DHRS3: variants seen among roughly 807,000 people sequenced by gnomAD.
DHRS3 encodes dehydrogenase/reductase 3.
DHRS3 carries 14 observed loss-of-function variants against 27.2 expected under a neutral mutation model. The observed-to-expected ratio is 0.52, with a 90% CI of 0.34 to 0.81. DHRS3 has a LOEUF of 0.81. Among genes scored for constraint, DHRS3 ranks in the 30% least tolerant of loss-of-function variants. DHRS3 has a pLI of 0.01. For synonymous variants in DHRS3, 165 were observed against 175.9 expected (o/e 0.94, Z 0.49); for missense variants, 322 against 406.2 (o/e 0.79, Z 1.78).
chr1:12,590,804 C>T (rs1000199647), intron 1 of DHRS3, among the ~76,000 whole-genome samples: 2 of 152,306 alleles, frequency 1.3e-5, no homozygotes, highest in Admixed American at 6.5e-5. Flanking sequence ...ACCCAACAAG[C>T]CTACCAGCCC....
intron 1 of DHRS3, among the ~76,000 whole-genome samples, chr1:12,614,392 C>CA (rs1273918797): frequency 6.6e-6 from 1 of 152,058 alleles, no homozygotes; most frequent in African/African-American, 2.4e-5. Flanking sequence ...AATTAAAAAG[C>CA]AAGACCTTTA....
intron 1 of DHRS3, among the ~76,000 whole-genome samples, chr1:12,613,989 T>G (rs1343159250): frequency 6.6e-6 from 1 of 152,148 alleles, no homozygotes; most frequent in African/African-American, 2.4e-5. Context: ...CAGGCTGGTC[T>G]CGAACTCCTG....
At chr1:12,584,882 TG>T (rs1162947946) in intron 1 of DHRS3, among the ~76,000 whole-genome samples, 21 of 151,184 alleles carry the variant, frequency 1.4e-4, no homozygotes, top group Admixed American at 2.0e-4. Context: ...TCTGTAAGTG[TG>T]TGTGTGTGTG....
intron 4 of DHRS3, among the ~76,000 whole-genome samples, chr1:12,575,390 T>C (rs1196976269): frequency 2.0e-5 from 3 of 151,858 alleles, no homozygotes; most frequent in Non-Finnish European, 2.9e-5. Flanking sequence ...TCCACTGACA[T>C]GGCCAGTCTT....
chr1:12,578,161 C>G lies in DHRS3; in HGVS notation c.698+557G>C, dbSNP rs991838114. Among the ~76,000 whole-genome samples, 3 of 152,196 alleles carry G rather than the reference C, an allele frequency of 2.0e-5. No individual in the cohort carries two copies. Among genetic ancestry groups the G allele is most frequent in the Admixed American group, 6.5e-5 (1 of 15,280 alleles). The stretch of plus-strand genomic sequence containing the variant: ...GTGGAGGTGCATCTCCCTCATTTGA[C>G]CTTTAGACACATCCCGCTGCATGCC... On this transcript the variant is annotated intron_variant, in intron 4 of 5. Transcript: ENST00000616661. The surrounding 1 kb of genome is among the most constrained non-coding windows in gnomAD (Gnocchi z 4.5).
chr1:12,591,942 A>G lies in DHRS3; in HGVS notation c.196-11276T>C, dbSNP rs1646750225. ...TGATGACCAAGTGGTTATGAAAGGC[A>G]TGGCAGAGATGTTCCTTGCCCCTCT... On this transcript the variant is annotated intron_variant, in intron 1 of 5. Transcript: ENST00000616661. This position sits in a 1 kb window ranked among gnomAD's most constrained non-coding sequence, Gnocchi z 4.1. 6.6e-6 allele frequency among the ~76,000 whole-genome samples: 1 copy of G among 152,250 alleles called. No homozygotes were observed. The highest frequency in any genetic ancestry group is 2.1e-4 in the South Asian group (1 of 4,834).
rs931488191 is a variant in DHRS3 at position 12,578,954 on chromosome 1, G to T, written c.462C>A (p.Thr154=). The T allele has an allele frequency of 6.2e-7, 1 of 1,611,358 alleles. No homozygotes were observed. The change falls in exon 4 of 6, where the codon ACC becomes ACA. Residue 154 remains threonine (T), a splice_region_variant and synonymous_variant. Transcript: ENST00000616661. This position sits in a 1 kb window ranked among gnomAD's most constrained non-coding sequence, Gnocchi z 4.5. ...QHINTLGQFW[T]TKAFLPRMLE... ...GCATACGCGGCAGGAAGGCCTTGGT[G>T]GTCTGAGGGCAGATGGGGTGTCAGG...
At chr1:12,601,958 A>G (rs1646838603) in intron 1 of DHRS3, among the ~76,000 whole-genome samples, 1 of 152,200 alleles carries the variant, frequency 6.6e-6, no homozygotes, top group African/African-American at 2.4e-5. Context: ...TCGGTCATGC[A>G]TTCATTTAGG....
In DHRS3 at chr1:12,593,701, A is replaced by T. The variant is rs899159538; in HGVS notation, c.196-13035T>A. 1.3e-5 allele frequency among the ~76,000 whole-genome samples: 2 copies of T among 152,174 alleles called. No individual in the cohort carries two copies. Among genetic ancestry groups the T allele is most frequent in the Non-Finnish European group, 2.9e-5 (2 of 68,020 alleles). On this transcript the variant is annotated intron_variant, in intron 1 of 5. Coordinates refer to ENST00000616661, the MANE Select transcript of DHRS3 (RefSeq NM_004753.7). The surrounding 1 kb of genome is among the most constrained non-coding windows in gnomAD (Gnocchi z 4.6). ...TCCTGAGGACACTCCTTCAAATGCT[A>T]AAACCACGCCCTGCCAAGAGCCAGT... is the stretch of plus-strand genomic sequence containing the variant.
intron 1 of DHRS3, among the ~76,000 whole-genome samples, chr1:12,599,338 T>A (rs4388713): frequency 0.033 from 4,958 of 152,292 alleles, 252 homozygotes; most frequent in African/African-American, 0.11. Flanking sequence ...CCTTGGCCCA[T>A]AGGGCCAGTT....
chr1:12,569,223 T>TCACACACACACACA (rs779404982), intron 5 of DHRS3, among the ~76,000 whole-genome samples: 1 of 120,142 alleles, frequency 8.3e-6, no homozygotes, highest in African/African-American at 3.9e-5. Context: ...GTCCCCTCTC[T>TCACACACACACACA]CTCTCTCTCA....
rs1646901785 is a variant in DHRS3 at position 12,610,492 on chromosome 1, G to C, written c.195+6662C>G. Among the ~76,000 whole-genome samples the C allele has an allele frequency of 1.3e-5, 2 of 152,204 alleles. 1 individual carries two copies. Among genetic ancestry groups the C allele is most frequent in the South Asian group, 4.1e-4 (2 of 4,830 alleles). ...GCTCCCTGCATGCCTTCAGTGCCCA[G>C]AACAGTGCCTGGCATATAGTAGGTG... On this transcript the variant is annotated intron_variant, in intron 1 of 5. Transcript: ENST00000616661.
chr1:12,594,147 C>T lies in DHRS3; in HGVS notation c.196-13481G>A, dbSNP rs1646769516. ...CACCCTTCCCTCACAGCACACATCT[C>T]CAGATTACTGTCCACCGGGGTGGGA... On this transcript the variant is annotated intron_variant, in intron 1 of 5. Transcript: ENST00000616661. This position sits in a 1 kb window ranked among gnomAD's most constrained non-coding sequence, Gnocchi z 4.1. Among the ~76,000 whole-genome samples the T allele has an allele frequency of 6.6e-6, 1 of 152,206 alleles. No individual in the cohort carries two copies. The highest frequency in any genetic ancestry group is 6.5e-5 in the Admixed American group (1 of 15,288).
At chr1:12,569,982 G>A (rs922179295) in intron 5 of DHRS3, 1 of 152,198 alleles carries the variant, frequency 6.6e-6, no homozygotes, top group Non-Finnish European at 1.5e-5. Context: ...AACAAATGAT[G>A]GTTAGGTGCC....
intron 4 of DHRS3, among the ~76,000 whole-genome samples, chr1:12,576,020 T>C (rs1465443247): frequency 6.6e-6 from 1 of 151,962 alleles, no homozygotes; most frequent in Non-Finnish European, 1.5e-5. Flanking sequence ...GATACTATTA[T>C]TATGAATCTC....
At position 12,608,108 on chromosome 1, in the gene DHRS3, G is replaced by A. The variant is rs369285313; in HGVS notation, c.195+9046C>T. 5.3e-4 allele frequency among the ~76,000 whole-genome samples: 81 copies of A among 152,162 alleles called. No individual in the cohort carries two copies. Among genetic ancestry groups the A allele is most frequent in the Non-Finnish European group, 7.2e-4 (49 of 68,000 alleles). ...GACAGGCTGGTCTCGAACTCCTGAC[G>A]TCAAGTGATCTGCCCGCCTCGGCCT... On this transcript the variant is annotated intron_variant, in intron 1 of 5. Coordinates refer to ENST00000616661, the MANE Select transcript of DHRS3 (RefSeq NM_004753.7). This position sits in a 1 kb window ranked among gnomAD's most constrained non-coding sequence, Gnocchi z 4.1.
chr1:12,605,589 C>T lies in DHRS3; in HGVS notation c.195+11565G>A, dbSNP rs544441366. ...AAAAGTTCAAGGAAAATGCGTATTA[C>T]GAAAAAACTAGGCATATATTTGAGA... is the stretch of plus-strand genomic sequence containing the variant. On this transcript the variant is annotated intron_variant, in intron 1 of 5. Transcript: ENST00000616661. Among the ~76,000 whole-genome samples, 54 of 152,038 alleles carry T rather than the reference C, an allele frequency of 3.6e-4. 1 individual carries two copies. The South Asian group carries it at 5.8e-3, about 16-fold the overall frequency.
intron 1 of DHRS3, among the ~76,000 whole-genome samples, chr1:12,582,077 C>A (rs1038854432): frequency 1.3e-5 from 2 of 152,154 alleles, no homozygotes; most frequent in African/African-American, 4.8e-5. Flanking sequence ...ACATTTTAAA[C>A]TGGGGGTTAC....
At chr1:12,569,262 C>CACACAT (rs1553137462) in intron 5 of DHRS3, among the ~76,000 whole-genome samples, 361 of 148,686 alleles carry the variant, frequency 2.4e-3, no homozygotes, top group African/African-American at 8.5e-3. Context: ...CACACACACA[C>CACACAT]TCTTTTTAAA....
Sources: gnomAD v4.1 joint callset for allele counts (sites outside exome capture counted in the v4.1 genomes callset) on GRCh38, gnomAD v4.1.1 for gene constraint, Gnocchi (gnomAD v3.1) non-coding constraint, MANE v1.5 for transcripts, NCBI Gene and HGNC (gene_info 2026-07-23, HGNC 2026-07-21) for gene names.